RNF13: variants seen among roughly 807,000 people sequenced by gnomAD.
RNF13 encodes ring finger protein 13.
In RNF13, 19 loss-of-function variants were observed where a neutral mutation model predicts 37.7. The observed-to-expected ratio is 0.50, with a 90% CI of 0.35 to 0.74. The LOEUF (loss-of-function observed/expected upper bound fraction) is 0.74. Ranked by LOEUF, RNF13 falls within the 30% of genes least tolerant of loss-of-function variation. The pLI is 0.01. For synonymous variants in RNF13, 144 were observed against 157.8 expected (o/e 0.91, Z 0.65); for missense variants, 375 against 453.0 (o/e 0.83, Z 1.56).
chr3:149,856,610 A>G (rs1187217743), intron 3 of RNF13, among the ~76,000 whole-genome samples: 1 of 151,758 alleles, frequency 6.6e-6, no homozygotes, highest in African/African-American at 2.4e-5. Flanking sequence ...TGCCCGGCTA[A>G]TTTTTAAATT....
At chr3:149,823,265 C>A (rs1720169756) in intron 1 of RNF13, among the ~76,000 whole-genome samples, 1 of 152,032 alleles carries the variant, frequency 6.6e-6, no homozygotes, top group African/African-American at 2.4e-5. Context: ...GACAGTGGAA[C>A]CTACTATAGA....
intron 8 of RNF13, among the ~76,000 whole-genome samples, chr3:149,952,098 C>G (rs1327923565): frequency 6.6e-6 from 1 of 152,142 alleles, no homozygotes; most frequent in African/African-American, 2.4e-5. Flanking sequence ...AACTAATTTG[C>G]TGAAAGTTCA....
At chr3:149,898,132 G>A (rs1399402233) in intron 5 of RNF13, among the ~76,000 whole-genome samples, 3 of 152,038 alleles carry the variant, frequency 2.0e-5, no homozygotes, top group Non-Finnish European at 4.4e-5. Flanking sequence ...ATAATTATTT[G>A]ACCTGACAAA....
chr3:149,853,307 G>A (rs762301200), intron 3 of RNF13, among the ~76,000 whole-genome samples: 5 of 152,026 alleles, frequency 3.3e-5, no homozygotes, highest in East Asian at 1.9e-4. Context: ...AGTTTGGAAC[G>A]ATTTAGAATT....
chr3:149,886,878 AT>A (rs1714096464), intron 4 of RNF13, among the ~76,000 whole-genome samples: 1 of 152,200 alleles, frequency 6.6e-6, no homozygotes, highest in South Asian at 2.1e-4. Flanking sequence ...GCTTTCATTC[AT>A]CTCAAAGTAT....
At chr3:149,897,728 A>G (rs1172796505) in intron 5 of RNF13, among the ~76,000 whole-genome samples, 2 of 152,208 alleles carry the variant, frequency 1.3e-5, no homozygotes, top group Non-Finnish European at 2.9e-5. Context: ...GGTAGAGGTA[A>G]GAAAAGCATA....
At chr3:149,883,199 C>T (rs780476563) in intron 4 of RNF13, among the ~76,000 whole-genome samples, 29 of 152,086 alleles carry the variant, frequency 1.9e-4, no homozygotes, top group Non-Finnish European at 4.3e-4. Context: ...CCAGACTAAA[C>T]ATATTCAGCT....
chr3:149,827,523 A>G (rs1720625611), intron 1 of RNF13, among the ~76,000 whole-genome samples: 1 of 152,288 alleles, frequency 6.6e-6, no homozygotes, highest in South Asian at 2.1e-4. Context: ...ATAAATATTA[A>G]TATTAAACAC....
intron 2 of RNF13, among the ~76,000 whole-genome samples, chr3:149,851,928 T>C (rs1339083416): frequency 3.3e-5 from 5 of 152,230 alleles, no homozygotes; most frequent in African/African-American, 1.2e-4. Context: ...TTGGAATCTA[T>C]ATCTGTGTGG....
intron 3 of RNF13, among the ~76,000 whole-genome samples, chr3:149,866,904 C>G (rs1359466034): frequency 1.3e-5 from 2 of 152,082 alleles, no homozygotes; most frequent in African/African-American, 4.8e-5. Context: ...GGTATGATTG[C>G]TACTTTTTGA....
chr3:149,830,039 G>A (rs1255031218), intron 1 of RNF13, among the ~76,000 whole-genome samples: 1 of 145,468 alleles, frequency 6.9e-6, no homozygotes, highest in Non-Finnish European at 1.5e-5. Flanking sequence ...GGCCTCTCCA[G>A]CCATGTAGAG....
intron 4 of RNF13, among the ~76,000 whole-genome samples, chr3:149,889,002 G>A (rs1014887246): frequency 3.3e-5 from 5 of 152,132 alleles, no homozygotes; most frequent in South Asian, 2.1e-4. Context: ...CCAGTGGCGC[G>A]ATCTCAGCTC....
chr3:149,960,824 A>G lies in RNF13; in HGVS notation c.866A>G (p.Gln289Arg). 1 of 1,614,180 alleles carries G rather than the reference A, an allele frequency of 6.2e-7. No homozygotes were observed. The highest frequency in any genetic ancestry group is 8.5e-7 in the Non-Finnish European group (1 of 1,180,034). The change falls in exon 10 of 10, where the codon CAA (glutamine) becomes CGA (arginine). Residue 289 changes from glutamine to arginine, a missense_variant. Coordinates refer to ENST00000392894, the MANE Select transcript of RNF13 (RefSeq NM_183381.3). ...TGCAAGCAAAAAGTTGTTCCTTCTC[A>G]AGGCGATTCAGACTCTGACACAGAC... The part of the protein sequence containing the change: ...PVCKQKVVPS[Q>R]GDSDSDTDSS...
chr3:149,818,771 T>C (rs78679607), intron 1 of RNF13, among the ~76,000 whole-genome samples: 2 of 151,902 alleles, frequency 1.3e-5, no homozygotes, highest in African/African-American at 4.8e-5. Context: ...ATTAGCCAGA[T>C]GTGGTGGCGT....
At chr3:149,884,716 A>G (rs965603993) in intron 4 of RNF13, among the ~76,000 whole-genome samples, 1 of 152,178 alleles carries the variant, frequency 6.6e-6, no homozygotes, top group African/African-American at 2.4e-5. Flanking sequence ...AAAATGGAGT[A>G]TCTATGACCT....
At chr3:149,827,698 A>T (rs1430033355) in intron 1 of RNF13, among the ~76,000 whole-genome samples, 1 of 152,236 alleles carries the variant, frequency 6.6e-6, no homozygotes, top group African/African-American at 2.4e-5. Context: ...AAAAGGAAAG[A>T]TGATTATAAG....
chr3:149,885,164 A>G (rs111342440), intron 4 of RNF13, among the ~76,000 whole-genome samples: 2,031 of 152,210 alleles, frequency 0.013, 42 homozygotes, highest in African/African-American at 0.047. Flanking sequence ...AGTCTTGGCT[A>G]TTGTGAACAG....
At chr3:149,925,239 AC>A (rs1718518262) in intron 8 of RNF13, among the ~76,000 whole-genome samples, 1 of 152,178 alleles carries the variant, frequency 6.6e-6, no homozygotes, top group Admixed American at 6.5e-5. Context: ...GTTTATCATC[AC>A]TTTTTTCAAA....
chr3:149,882,508 G>T (rs2108464430), intron 4 of RNF13, among the ~76,000 whole-genome samples: 1 of 152,190 alleles, frequency 6.6e-6, no homozygotes, highest in South Asian at 2.1e-4. Flanking sequence ...TGCTCTAAAT[G>T]TTATTTTGTC....
Sources: gnomAD v4.1 joint callset for allele counts (sites outside exome capture counted in the v4.1 genomes callset) on GRCh38, gnomAD v4.1.1 for gene constraint, MANE v1.5 for transcripts, NCBI Gene and HGNC (gene_info 2026-07-23, HGNC 2026-07-21) for gene names.